Variants in NOS1AP observed in about 807,000 individuals in gnomAD.
The protein encoded by NOS1AP is nitric oxide synthase 1 adaptor protein.
A neutral mutation model predicts 56.2 loss-of-function variants in NOS1AP; 21 were observed. The ratio of observed to expected loss-of-function variants is 0.37; its 90% confidence interval spans 0.26 to 0.54. The LOEUF is 0.54. NOS1AP is among the 20% of genes least tolerant of loss of function. The probability of loss-of-function intolerance (pLI) is 0.84; values close to 1 mark genes in which losing one functional copy is unlikely to be tolerated. For synonymous variants in NOS1AP, 270 were observed against 274.6 expected, an observed-to-expected ratio of 0.98 and a Z score of 0.17; for missense variants, 522 against 657.8, an observed-to-expected ratio of 0.79 and a Z score of 2.26.
At chr1:162,243,020 G>A (rs1479438930) in intron 2 of NOS1AP, among the ~76,000 whole-genome samples, 2 of 152,130 alleles carry the variant, frequency 1.3e-5, no homozygotes, top group Admixed American at 6.6e-5. Context: ...CAGACAGCAG[G>A]CAGTGCAGGA....
rs1004037526 is a variant in NOS1AP at position 162,369,658 on chromosome 1, T to G, written c.*2191T>G. The G allele has an allele frequency of 1.3e-5, 2 of 152,176 alleles. No homozygotes were observed. Among genetic ancestry groups the G allele is most frequent in the African/African-American group, 4.8e-5 (2 of 41,440 alleles). The allele number at this position is 152,176 out of a possible 1,614,324, so 9.4% of individuals were successfully genotyped here. ...AAATTAAAGAATTGGAGAAACTAGT[T>G]ATCTGTGTTGCTGACTTTGGGACCC... On this transcript the variant is annotated 3_prime_UTR_variant, in exon 10 of 10. Transcript: ENST00000361897.
intron 8 of NOS1AP, chr1:162,364,175 A>T: frequency 2.0e-6 from 2 of 985,396 alleles, no homozygotes; most frequent in Non-Finnish European, 2.4e-6. Flanking sequence ...TGAGCAAGGG[A>T]ATCAGCTAAT....
At chr1:162,306,780 T>C (rs1480187631) in intron 4 of NOS1AP, among the ~76,000 whole-genome samples, 1 of 152,112 alleles carries the variant, frequency 6.6e-6, no homozygotes, top group African/African-American at 2.4e-5. Flanking sequence ...CTACTAATTA[T>C]ACAAAAATTA....
intron 1 of NOS1AP, among the ~76,000 whole-genome samples, chr1:162,105,890 C>A (rs867311264): frequency 6.6e-6 from 1 of 152,236 alleles, no homozygotes; most frequent in African/African-American, 2.4e-5. Context: ...GGGTCTCAAT[C>A]CACGTGGTGC....
chr1:162,365,373 T>C (rs1395818788), intron 8 of NOS1AP, 31 bp from the exon 9 acceptor site: 1 of 1,614,054 alleles, frequency 6.2e-7, no homozygotes, highest in Non-Finnish European at 8.5e-7. Context: ...CTCTCTGTCC[T>C]GTCTTCTCTG....
At chr1:162,183,083 A>C (rs537875478) in intron 2 of NOS1AP, among the ~76,000 whole-genome samples, 1 of 152,368 alleles carries the variant, frequency 6.6e-6, no homozygotes, top group Admixed American at 6.5e-5. Flanking sequence ...TTCTTAAATA[A>C]TAAGACTTGA....
chr1:162,357,555 G>A (rs1657744144), intron 8 of NOS1AP, among the ~76,000 whole-genome samples: 1 of 148,484 alleles, frequency 6.7e-6, no homozygotes, highest in Admixed American at 6.6e-5. Context: ...ATGAATTTGT[G>A]CCAAACACTG....
chr1:162,234,391 G>C (rs549839673), intron 2 of NOS1AP, among the ~76,000 whole-genome samples: 1 of 152,158 alleles, frequency 6.6e-6, no homozygotes, highest in African/African-American at 2.4e-5. Context: ...AAAATGAGGA[G>C]TTTTAGATCA....
intron 2 of NOS1AP, among the ~76,000 whole-genome samples, chr1:162,233,262 A>C (rs1251221944): frequency 6.6e-6 from 1 of 152,154 alleles, no homozygotes; most frequent in Admixed American, 6.5e-5. Flanking sequence ...TCATGGCCAA[A>C]GCAAACAGAG....
chr1:162,365,633 C>A, intron 9 of NOS1AP, 64 bp downstream of exon 9: 5 of 1,594,696 alleles, frequency 3.1e-6, no homozygotes, highest in Non-Finnish European at 4.2e-6. Flanking sequence ...TGTCACTTTC[C>A]TTAAGTTTTT....
chr1:162,114,730 C>A (rs1361255597), intron 1 of NOS1AP, among the ~76,000 whole-genome samples: 2 of 152,214 alleles, frequency 1.3e-5, no homozygotes. Context: ...CCAGTGGTCT[C>A]ATCGGGACCT....
At chr1:162,266,667 G>T (rs1654434546) in intron 2 of NOS1AP, among the ~76,000 whole-genome samples, 1 of 152,088 alleles carries the variant, frequency 6.6e-6, no homozygotes, top group African/African-American at 2.4e-5. Context: ...TGAAAGCTTT[G>T]CCCAAAGAGC....
intron 4 of NOS1AP, among the ~76,000 whole-genome samples, chr1:162,325,728 C>A (rs895555920): frequency 1.3e-5 from 2 of 152,050 alleles, no homozygotes; most frequent in African/African-American, 4.8e-5. Flanking sequence ...CAGAGGTTTT[C>A]CTTAAGAATA....
intron 2 of NOS1AP, among the ~76,000 whole-genome samples, chr1:162,178,668 G>T (rs1016413672): frequency 3.9e-5 from 6 of 152,120 alleles, no homozygotes; most frequent in African/African-American, 1.2e-4. Context: ...TATAACAGAA[G>T]GTGGCATCCA....
chr1:162,302,342 A>G (rs1402297413), intron 4 of NOS1AP, among the ~76,000 whole-genome samples: 1 of 152,178 alleles, frequency 6.6e-6, no homozygotes, highest in East Asian at 1.9e-4. Context: ...CTGAAAATTA[A>G]CATAAGTGTT....
intron 2 of NOS1AP, among the ~76,000 whole-genome samples, chr1:162,172,433 G>T (rs1391803247): frequency 6.6e-6 from 1 of 152,180 alleles, no homozygotes; most frequent in African/African-American, 2.4e-5. Context: ...CTGGAGTGGG[G>T]GATGTGGGCC....
At chr1:162,287,268 A>G in intron 2 of NOS1AP, 76 bp from the exon 3 acceptor site, 4 of 1,037,330 alleles carry the variant, frequency 3.9e-6, no homozygotes, top group South Asian at 3.8e-5. Context: ...TTTTCCAGGC[A>G]TGGGCTAGCT....
At chr1:162,116,114 G>A (rs1413491872) in intron 1 of NOS1AP, among the ~76,000 whole-genome samples, 1 of 152,156 alleles carries the variant, frequency 6.6e-6, no homozygotes, top group Non-Finnish European at 1.5e-5. Context: ...TCTAGGTTTA[G>A]CCTTTGTGAG....
intron 2 of NOS1AP, among the ~76,000 whole-genome samples, chr1:162,277,009 C>G (rs909565327): frequency 6.6e-6 from 1 of 152,182 alleles, no homozygotes. Context: ...TTTGGACTTA[C>G]ATACTGTGGT....
Sources: allele counts gnomAD v4.1 joint callset (sites outside exome capture counted in the v4.1 genomes callset), GRCh38; gene constraint gnomAD v4.1.1; transcripts MANE v1.5; gene names NCBI Gene and HGNC (gene_info 2026-07-23, HGNC 2026-07-21).